Variants in VWA8 observed in about 807,000 individuals in gnomAD.
The protein encoded by VWA8 is von Willebrand factor A domain-containing protein 8.
Under a neutral mutation model 241.5 loss-of-function variants are expected in VWA8, and 221 were observed. That is an observed-to-expected ratio of 0.91 (90% confidence interval 0.82 to 1.02). VWA8 has a LOEUF of 1.02. Ranked by LOEUF, VWA8 falls within the 50% of genes least tolerant of loss-of-function variation. The pLI, the probability that VWA8 is intolerant of heterozygous loss-of-function variation, is 0.00. For synonymous variants in VWA8, 852 were observed against 827.1 expected, an observed-to-expected ratio of 1.03 and a Z score of -0.52; for missense variants, 2,322 against 2,328.7, an observed-to-expected ratio of 1.00 and a Z score of 0.06.
chr13:41,699,973 A>G (rs1355902007), intron 28 of VWA8, among the ~76,000 whole-genome samples: 1 of 152,144 alleles, frequency 6.6e-6, no homozygotes, highest in Non-Finnish European at 1.5e-5. Context: ...CCTTTCCAGC[A>G]AACTCCCAGG....
At chr13:41,683,280 C>T (rs1309776034) in intron 35 of VWA8, among the ~76,000 whole-genome samples, 4 of 150,914 alleles carry the variant, frequency 2.7e-5, no homozygotes, top group African/African-American at 7.3e-5. Flanking sequence ...TAATGATACA[C>T]ACATAACATA....
At chr13:41,595,955 G>C (rs2044485357) in intron 40 of VWA8, among the ~76,000 whole-genome samples, 1 of 152,044 alleles carries the variant, frequency 6.6e-6, no homozygotes, top group Non-Finnish European at 1.5e-5. Flanking sequence ...GAGTATAAGG[G>C]TTTCATTTGT....
intron 38 of VWA8, among the ~76,000 whole-genome samples, chr13:41,613,650 C>A (rs568831244): frequency 6.6e-6 from 1 of 152,298 alleles, no homozygotes; most frequent in East Asian, 1.9e-4. Context: ...ATGATCTCCA[C>A]TTCCCAGAGC....
intron 14 of VWA8, among the ~76,000 whole-genome samples, chr13:41,822,240 G>C (rs1381891596): frequency 5.3e-5 from 8 of 151,964 alleles, no homozygotes. Flanking sequence ...GGAATCCTAT[G>C]GTACATTTTC....
intron 12 of VWA8, among the ~76,000 whole-genome samples, chr13:41,847,080 T>C (rs540807074): frequency 6.6e-5 from 10 of 152,146 alleles, no homozygotes; most frequent in Non-Finnish European, 1.3e-4. Flanking sequence ...CAAATATATA[T>C]TGAATATATA....
At chr13:41,871,049 T>C (rs1873578758) in intron 9 of VWA8, among the ~76,000 whole-genome samples, 1 of 152,146 alleles carries the variant, frequency 6.6e-6, no homozygotes. Context: ...AAGCTTGAAA[T>C]CACCCTTACC....
At chr13:41,837,064 G>C (rs1372584014) in intron 12 of VWA8, among the ~76,000 whole-genome samples, 1 of 151,768 alleles carries the variant, frequency 6.6e-6, no homozygotes, top group East Asian at 1.9e-4. Flanking sequence ...TAGATAGATA[G>C]ATAGATAGAT....
chr13:41,642,571 AAAAAAAAG>A (rs1245906054), intron 37 of VWA8, among the ~76,000 whole-genome samples: 77 of 151,284 alleles, frequency 5.1e-4, no homozygotes, highest in South Asian at 8.4e-4. Context: ...ACAAAAAAAA[AAAAAAAAG>A]AAAAAAAGAA....
At chr13:41,614,334 T>C (rs1456296783) in intron 38 of VWA8, among the ~76,000 whole-genome samples, 1 of 152,174 alleles carries the variant, frequency 6.6e-6, no homozygotes, top group Non-Finnish European at 1.5e-5. Flanking sequence ...AGTCTGGCCC[T>C]ATTCCTGTGG....
intron 6 of VWA8, 93 bp from the exon 7 acceptor site, chr13:41,886,923 A>C (rs1048009748): frequency 5.0e-6 from 5 of 1,009,632 alleles, no homozygotes; most frequent in Non-Finnish European, 7.3e-6. Context: ...CCTTTTAATT[A>C]AGCAGACACT....
intron 9 of VWA8, among the ~76,000 whole-genome samples, chr13:41,875,352 A>C (rs748129760): frequency 6.6e-6 from 1 of 152,052 alleles, no homozygotes; most frequent in Non-Finnish European, 1.5e-5. Context: ...CACATTTTCC[A>C]TGCACTCCAC....
At chr13:41,656,065 T>C (rs575890369) in intron 37 of VWA8, among the ~76,000 whole-genome samples, 163 of 152,306 alleles carry the variant, frequency 1.1e-3, no homozygotes, top group African/African-American at 3.8e-3. Context: ...GGCGACTATT[T>C]ACTGCTGTGA....
chr13:41,572,203 G>A (rs1005789194), intron 43 of VWA8, among the ~76,000 whole-genome samples: 5 of 150,452 alleles, frequency 3.3e-5, no homozygotes, highest in South Asian at 4.2e-4. Flanking sequence ...CCCGCCAGCC[G>A]CCCCGTCTGG....
chr13:41,784,727 T>TATATATATATAC (rs1555335045), intron 18 of VWA8, among the ~76,000 whole-genome samples: 728 of 68,872 alleles, frequency 0.011, 38 homozygotes, highest in Admixed American at 0.016. Flanking sequence ...TATATATATA[T>TATATATATATAC]ATACACACAC....
At chr13:41,654,169 T>C (rs913198295) in intron 37 of VWA8, among the ~76,000 whole-genome samples, 1 of 152,222 alleles carries the variant, frequency 6.6e-6, no homozygotes, top group Admixed American at 6.5e-5. Flanking sequence ...TTTGCAACTA[T>C]AGTGATAATA....
At chr13:41,746,653 CA>C (rs1479416218) in intron 21 of VWA8, among the ~76,000 whole-genome samples, 1 of 152,112 alleles carries the variant, frequency 6.6e-6, no homozygotes, top group Non-Finnish European at 1.5e-5. Flanking sequence ...TGACACTCCT[CA>C]AAGGAGGTGT....
At chr13:41,575,644 T>C (rs576448105) in intron 43 of VWA8, 96 bp downstream of exon 43, 2 of 840,570 alleles carry the variant, frequency 2.4e-6, no homozygotes, top group Non-Finnish European at 1.8e-6. Flanking sequence ...AGTCTTTTTC[T>C]TTCCTGTGTA....
At chr13:41,806,035 C>T (rs969054155) in intron 17 of VWA8, among the ~76,000 whole-genome samples, 11 of 148,980 alleles carry the variant, frequency 7.4e-5, no homozygotes, top group Non-Finnish European at 1.3e-4. Context: ...TGTCAAGTAT[C>T]TTCTGTGACC....
chr13:41,783,854 T>C lies in VWA8; in HGVS notation c.2218A>G (p.Ile740Val), dbSNP rs774423322. The C allele has an allele frequency of 9.9e-6, 16 of 1,613,746 alleles. No individual in the cohort carries two copies. The highest frequency in any genetic ancestry group is 2.7e-5 in the African/African-American group (2 of 74,908). ...TTCATTTTCTCATGTGCATTATAGA[T>C]CGGTGCACTAACAGCACCAATCCTC... is the stretch of plus-strand genomic sequence containing the variant. ...TLRIGAVSAP[I>V]YNAHEKMKVP... Residue 740 changes from isoleucine to valine, a missense_variant, in exon 19 of 45, where the codon ATC becomes GTC. Transcript: ENST00000379310.
Sources: allele counts gnomAD v4.1 joint callset (sites outside exome capture counted in the v4.1 genomes callset), GRCh38; gene constraint gnomAD v4.1.1; transcripts MANE v1.5; gene names NCBI Gene and HGNC (gene_info 2026-07-23, HGNC 2026-07-21).